Variants in L3MBTL4 observed in about 807,000 individuals in gnomAD.
The protein encoded by L3MBTL4 is lethal(3)malignant brain tumor-like protein 4.
In L3MBTL4, 70 loss-of-function variants were observed where a neutral mutation model predicts 84.5. The ratio of observed to expected loss-of-function variants is 0.83; its 90% confidence interval spans 0.68 to 1.01. L3MBTL4 has a LOEUF of 1.01. L3MBTL4 is among the 50% of genes least tolerant of loss of function. The pLI, the probability that L3MBTL4 is intolerant of heterozygous loss-of-function variation, is 0.00. For missense variants in L3MBTL4, 715 were observed against 754.8 expected (o/e 0.95, Z 0.62); for synonymous variants, 274 against 259.8 (o/e 1.05, Z -0.52).
chr18:6,340,578 C>G (rs2052558388), intron 1 of L3MBTL4, among the ~76,000 whole-genome samples: 1 of 152,170 alleles, frequency 6.6e-6, no homozygotes, highest in Non-Finnish European at 1.5e-5. Context: ...GAGAGCATGG[C>G]AAAGGGGCAG....
intron 18 of L3MBTL4, among the ~76,000 whole-genome samples, chr18:5,959,597 C>A (rs2144641767): frequency 6.6e-6 from 1 of 152,238 alleles, no homozygotes; most frequent in African/African-American, 2.4e-5. Context: ...AAATGCAGGG[C>A]AGGGATAGAT....
intron 3 of L3MBTL4, among the ~76,000 whole-genome samples, chr18:6,309,415 T>A (rs2050730507): frequency 6.6e-6 from 1 of 152,232 alleles, no homozygotes; most frequent in African/African-American, 2.4e-5. Context: ...TAATGATATG[T>A]CCCAAACATC....
At chr18:6,246,381 C>T (rs1224505239) in intron 5 of L3MBTL4, among the ~76,000 whole-genome samples, 1 of 152,102 alleles carries the variant, frequency 6.6e-6, no homozygotes, top group Non-Finnish European at 1.5e-5. Flanking sequence ...AGCAGACTTC[C>T]TAATTTGCTC....
Position 6,244,552 on chromosome 18 carries a change from T to A in L3MBTL4, c.256A>T (p.Ile86Phe), listed in dbSNP as rs766580258. Residue 86 changes from isoleucine (I) to phenylalanine (F), a missense_variant, in exon 6 of 19, where the codon ATT becomes TTT. Coordinates refer to ENST00000317931, the MANE Select transcript of L3MBTL4 (RefSeq NM_001330559.2). Reference sequence around the variant, plus strand: ...TCAATGCCTTCTAATCTCATTCCAATCTGAAAACCATTTTCATGCTCTGGA... The same window carrying A: ...TCAATGCCTTCTAATCTCATTCCAAACTGAAAACCATTTTCATGCTCTGGA... ...SFPEHENGFQ[I>F]GMRLEGIDPR... The A allele has an allele frequency of 6.2e-7, 1 of 1,613,872 alleles. No individual in the cohort carries two copies. Among genetic ancestry groups the A allele is most frequent in the Non-Finnish European group, 8.5e-7 (1 of 1,179,768 alleles).
rs118113243 is a variant in L3MBTL4, at chr18:6,256,390, G to C, written c.219+7557C>G. 4.3e-4 allele frequency among the ~76,000 whole-genome samples: 65 copies of C among 152,128 alleles called. 1 individual carries two copies. The East Asian group carries it at 0.011, about 25-fold the overall frequency. ...AATAGGAATGTGTTCAAATAAGGCTGTCTTGTTTCTAGGACAATTAGGAGG... is the reference window on the plus strand; with the variant it reads ...AATAGGAATGTGTTCAAATAAGGCTCTCTTGTTTCTAGGACAATTAGGAGG... On this transcript the variant is annotated intron_variant, in intron 5 of 18. Coordinates refer to ENST00000317931, the MANE Select transcript of L3MBTL4 (RefSeq NM_001330559.2).
chr18:6,116,215 G>A (rs945878469), intron 14 of L3MBTL4, among the ~76,000 whole-genome samples: 3 of 152,168 alleles, frequency 2.0e-5, no homozygotes, highest in Non-Finnish European at 2.9e-5. Context: ...GGAGGCTTAA[G>A]GTGACCTGGC....
chr18:6,150,734 CCTAA>C (rs1338326283), intron 13 of L3MBTL4, among the ~76,000 whole-genome samples: 2 of 152,114 alleles, frequency 1.3e-5, no homozygotes, highest in African/African-American at 4.8e-5. Context: ...GAGAACAAGC[CCTAA>C]CTGAGTCTCA....
At chr18:6,229,842 T>C (rs1269144852) in intron 10 of L3MBTL4, among the ~76,000 whole-genome samples, 2 of 152,248 alleles carry the variant, frequency 1.3e-5, no homozygotes, top group African/African-American at 2.4e-5. Context: ...TCCATCTCTA[T>C]CCCCATGTGA....
At chr18:6,009,111 G>A (rs2054619216) in intron 16 of L3MBTL4, among the ~76,000 whole-genome samples, 1 of 152,206 alleles carries the variant, frequency 6.6e-6, no homozygotes, top group African/African-American at 2.4e-5. Context: ...ACCTTGGCTA[G>A]GGGTGGCAAG....
chr18:5,958,079 G>C, intron 18 of L3MBTL4, among the ~76,000 whole-genome samples: 2 of 52,912 alleles, frequency 3.8e-5, no homozygotes, highest in East Asian at 2.0e-3. Flanking sequence ...AGAAGAAGAA[G>C]AAGAAGAAGA....
chr18:6,328,608 A>C (rs546944922), intron 1 of L3MBTL4, among the ~76,000 whole-genome samples: 1 of 152,348 alleles, frequency 6.6e-6, no homozygotes, highest in African/African-American at 2.4e-5. Flanking sequence ...ATAAAATCAA[A>C]CTATTTTGTT....
chr18:6,164,126 C>A (rs2043512305), intron 13 of L3MBTL4, among the ~76,000 whole-genome samples: 1 of 152,088 alleles, frequency 6.6e-6, no homozygotes, highest in African/African-American at 2.4e-5. Flanking sequence ...AGCAGTGAGG[C>A]TGGGGTAGGG....
chr18:6,131,366 G>A (rs1396396488), intron 14 of L3MBTL4, among the ~76,000 whole-genome samples: 6 of 152,078 alleles, frequency 3.9e-5, no homozygotes, highest in African/African-American at 9.7e-5. Context: ...CAGCCAAACC[G>A]GAGGGGCTTG....
chr18:6,003,373 T>C (rs1347638999), intron 16 of L3MBTL4, among the ~76,000 whole-genome samples: 1 of 151,584 alleles, frequency 6.6e-6, no homozygotes, highest in African/African-American at 2.4e-5. Context: ...ATTATAAACA[T>C]ACATCTAATA....
intron 1 of L3MBTL4, among the ~76,000 whole-genome samples, chr18:6,404,090 T>G (rs932214310): frequency 6.6e-6 from 1 of 151,094 alleles, no homozygotes; most frequent in African/African-American, 2.4e-5. Flanking sequence ...CTTTGGGGAC[T>G]TGGGGGGAAG....
chr18:6,266,185 A>G (rs1346268283), intron 4 of L3MBTL4, among the ~76,000 whole-genome samples: 1 of 152,232 alleles, frequency 6.6e-6, no homozygotes, highest in East Asian at 1.9e-4. Context: ...AGCAACTTCT[A>G]TGTGCTAAGC....
chr18:6,382,523 G>A (rs1311281432), intron 1 of L3MBTL4, among the ~76,000 whole-genome samples: 3 of 151,972 alleles, frequency 2.0e-5, no homozygotes, highest in Non-Finnish European at 2.9e-5. Context: ...CTGAGTGGAC[G>A]TGCTATTCCT....
intron 5 of L3MBTL4, among the ~76,000 whole-genome samples, chr18:6,263,194 G>A (rs1234461043): frequency 1.3e-5 from 2 of 151,548 alleles, no homozygotes; most frequent in African/African-American, 4.9e-5. Context: ...GCTTGAACCA[G>A]GGAGTTGGAG....
At chr18:6,082,237 T>C (rs2058102756) in intron 15 of L3MBTL4, 1 of 152,086 alleles carries the variant, frequency 6.6e-6, no homozygotes, top group Non-Finnish European at 1.5e-5. Flanking sequence ...TAAGAATATG[T>C]GTAATATTCT....
Sources: allele counts gnomAD v4.1 joint callset (sites outside exome capture counted in the v4.1 genomes callset), GRCh38; gene constraint gnomAD v4.1.1; transcripts MANE v1.5; gene names NCBI Gene and HGNC (gene_info 2026-07-23, HGNC 2026-07-21).